Variants in PCSK2 observed in about 807,000 individuals in gnomAD.
PCSK2 encodes neuroendocrine convertase 2.
In PCSK2, 14 loss-of-function variants were observed where a neutral mutation model predicts 69.7. The observed-to-expected ratio is 0.20, with a 90% CI of 0.13 to 0.31. PCSK2 has a LOEUF of 0.31. PCSK2 is among the 10% of genes least tolerant of loss of function. The probability of loss-of-function intolerance (pLI) is 1.00; values close to 1 mark genes in which losing one functional copy is unlikely to be tolerated. For synonymous variants in PCSK2, 307 were observed against 320.7 expected (o/e 0.96, Z 0.46); for missense variants, 544 against 842.5 (o/e 0.65, Z 4.39).
chr20:17,314,668 T>C (rs1989623777), intron 2 of PCSK2, among the ~76,000 whole-genome samples: 1 of 152,238 alleles, frequency 6.6e-6, no homozygotes, highest in South Asian at 2.1e-4. Context: ...ACACCAGTTG[T>C]TACTTTTGAA....
rs931452342 is a variant in PCSK2 at position 17,275,986 on chromosome 20, G to T, written c.282+15642G>T. 2.0e-5 allele frequency among the ~76,000 whole-genome samples: 3 copies of T among 152,136 alleles called. No individual in the cohort carries two copies. In the East Asian group the frequency reaches 5.8e-4, roughly 29 times the overall value. On this transcript the variant is annotated intron_variant, in intron 2 of 11. Transcript: ENST00000262545. The stretch of plus-strand genomic sequence containing the variant: ...AATAATATTACTTATCTGAAAGGTT[G>T]ATGTGAGCATTAAATGAAATGATGC...
At chr20:17,348,000 GAA>G (rs1990729768) in intron 2 of PCSK2, among the ~76,000 whole-genome samples, 1 of 87,478 alleles carries the variant, frequency 1.1e-5, no homozygotes, top group Admixed American at 1.1e-4. Context: ...AGAAAAAAGA[GAA>G]AGAAAGAAAG....
intron 2 of PCSK2, among the ~76,000 whole-genome samples, chr20:17,349,423 C>T (rs1270187422): frequency 6.6e-6 from 1 of 152,176 alleles, no homozygotes; most frequent in Non-Finnish European, 1.5e-5. Flanking sequence ...CCCAGCCCTG[C>T]CTCTAACACC....
chr20:17,369,124 A>T, intron 4 of PCSK2, 116 bp from the exon 5 acceptor site: 1 of 827,276 alleles, frequency 1.2e-6, no homozygotes. Flanking sequence ...ACTCACCCCC[A>T]TGGCAAGCCT....
chr20:17,304,286 T>C (rs1339665785), intron 2 of PCSK2, among the ~76,000 whole-genome samples: 1 of 152,180 alleles, frequency 6.6e-6, no homozygotes, highest in Admixed American at 6.5e-5. Context: ...TGTCTAGATA[T>C]ATTTCTGCCA....
rs141280965 is a variant in PCSK2 at position 17,230,904 on chromosome 20, G to A, written c.177+3422G>A. 7.2e-5 allele frequency among the ~76,000 whole-genome samples: 11 copies of A among 152,296 alleles called. No homozygotes were observed. In the East Asian group the frequency reaches 2.1e-3, roughly 29 times the overall value. ...AGATTAAAGCTTTCTATTTTATCAT[G>A]ACCTGGCCCTGGCCCAAAGACCTAT... On this transcript the variant is annotated intron_variant, in intron 1 of 11. Transcript: ENST00000262545.
intron 11 of PCSK2, among the ~76,000 whole-genome samples, chr20:17,477,206 A>T (rs1016962872): frequency 3.3e-5 from 5 of 152,194 alleles, no homozygotes; most frequent in Admixed American, 2.6e-4. Context: ...GCTTTACAAG[A>T]TGTGTGTTTA....
chr20:17,335,093 A>G (rs1394640131), intron 2 of PCSK2, among the ~76,000 whole-genome samples: 1 of 152,240 alleles, frequency 6.6e-6, no homozygotes, highest in African/African-American at 2.4e-5. Context: ...AAAGGAAACC[A>G]CAGTTTTTTG....
chr20:17,255,241 G>C (rs576375158), intron 1 of PCSK2, among the ~76,000 whole-genome samples: 1 of 152,224 alleles, frequency 6.6e-6, no homozygotes, highest in East Asian at 1.9e-4. Context: ...GTCTTGTTCT[G>C]GTCTTAAGAA....
intron 1 of PCSK2, among the ~76,000 whole-genome samples, chr20:17,240,634 G>A (rs377253790): frequency 2.6e-5 from 4 of 152,192 alleles, no homozygotes; most frequent in Non-Finnish European, 5.9e-5. Context: ...ATTGAGGTTC[G>A]TCAGAGGCTA....
chr20:17,385,537 G>A (rs2031211844), intron 5 of PCSK2, among the ~76,000 whole-genome samples: 1 of 152,220 alleles, frequency 6.6e-6, no homozygotes, highest in Non-Finnish European at 1.5e-5. Flanking sequence ...TTTTGAGAAT[G>A]ACAGACATTA....
At chr20:17,406,597 C>A (rs2031756588) in intron 5 of PCSK2, among the ~76,000 whole-genome samples, 1 of 152,186 alleles carries the variant, frequency 6.6e-6, no homozygotes, top group African/African-American at 2.4e-5. Context: ...GTCCTGCTTC[C>A]AACCCCTGCC....
At chr20:17,418,980 C>A (rs1234223260) in intron 6 of PCSK2, among the ~76,000 whole-genome samples, 2 of 152,200 alleles carry the variant, frequency 1.3e-5, no homozygotes, top group Non-Finnish European at 2.9e-5. Flanking sequence ...GGCTGTCCAG[C>A]ACGAGATTCT....
intron 6 of PCSK2, among the ~76,000 whole-genome samples, chr20:17,417,456 T>C (rs1432053490): frequency 6.6e-6 from 1 of 152,204 alleles, no homozygotes; most frequent in Non-Finnish European, 1.5e-5. Flanking sequence ...AGTAAATGGG[T>C]TCTTTTCAAT....
intron 2 of PCSK2, among the ~76,000 whole-genome samples, chr20:17,313,787 C>G (rs1989591353): frequency 6.6e-6 from 1 of 152,142 alleles, no homozygotes; most frequent in Non-Finnish European, 1.5e-5. Context: ...GGCTGACAGG[C>G]TGGAAGATAA....
At position 17,255,403 on chromosome 20, in the gene PCSK2, G is replaced by A. The variant is rs551329741; in HGVS notation, c.178-4837G>A. Among the ~76,000 whole-genome samples the A allele has an allele frequency of 5.9e-5, 9 of 151,518 alleles. No individual in the cohort carries two copies. The South Asian group carries it at 6.2e-4, about 11-fold the overall frequency. ...GTTGTCCAGGCTGGAGTGCAATGGC[G>A]CAATCTCGGCTCACTGCAAGCTCTG... On this transcript the variant is annotated intron_variant, in intron 1 of 11. Coordinates refer to ENST00000262545, the MANE Select transcript of PCSK2 (RefSeq NM_002594.5).
intron 5 of PCSK2, among the ~76,000 whole-genome samples, chr20:17,393,566 T>A (rs1048707441): frequency 3.9e-5 from 6 of 152,174 alleles, no homozygotes; most frequent in South Asian, 2.1e-4. Context: ...TTTTTAAATT[T>A]TTTTTCTTTT....
At chr20:17,425,177 T>G (rs1356280738) in intron 6 of PCSK2, among the ~76,000 whole-genome samples, 2 of 152,248 alleles carry the variant, frequency 1.3e-5, no homozygotes, top group Non-Finnish European at 2.9e-5. Context: ...TACTATTCAC[T>G]GAAATTGTCT....
chr20:17,398,523 CA>C (rs36062712), intron 5 of PCSK2, among the ~76,000 whole-genome samples: 7,588 of 84,972 alleles, frequency 0.089, 189 homozygotes, highest in African/African-American at 0.16. Context: ...GATCCTGTCT[CA>C]AAAAAAAAAA....
Sources: allele counts gnomAD v4.1 joint callset (sites outside exome capture counted in the v4.1 genomes callset), GRCh38; gene constraint gnomAD v4.1.1; transcripts MANE v1.5; gene names NCBI Gene and HGNC (gene_info 2026-07-23, HGNC 2026-07-21).